Variants in UBE2E2 observed in about 807,000 individuals in gnomAD.
UBE2E2 encodes ubiquitin conjugating enzyme E2 E2.
UBE2E2 carries 6 observed loss-of-function variants against 24.7 expected under a neutral mutation model. The observed-to-expected ratio is 0.24, with a 90% CI of 0.13 to 0.48. UBE2E2 has a LOEUF of 0.48. Ranked by LOEUF, UBE2E2 falls within the 20% of genes least tolerant of loss-of-function variation. The pLI, the probability that UBE2E2 is intolerant of heterozygous loss-of-function variation, is 0.99. For synonymous variants in UBE2E2, 104 were observed against 83.6 expected, an observed-to-expected ratio of 1.24 and a Z score of -1.33; for missense variants, 169 against 245.0, an observed-to-expected ratio of 0.69 and a Z score of 2.07.
At chr3:23,355,461 G>A (rs34108997) in intron 3 of UBE2E2, among the ~76,000 whole-genome samples, 15,525 of 152,142 alleles carry the variant, frequency 0.1, 925 homozygotes, top group East Asian at 0.13. Flanking sequence ...CTGTAGGGAG[G>A]GGTAGAAATT....
At chr3:23,502,441 A>G (rs1039102385) in intron 4 of UBE2E2, among the ~76,000 whole-genome samples, 25 of 152,138 alleles carry the variant, frequency 1.6e-4, no homozygotes, top group African/African-American at 5.3e-4. Flanking sequence ...GGTTCATGAG[A>G]TAATTTTTTC....
rs75956144 is a variant in UBE2E2 at position 23,385,329 on chromosome 3, C to G, written c.228-114279C>G. ...ACAAAAATGATTGTTTCTTGTCTTC[C>G]TTGAACTGTGTTTTATCATTTGATG... On this transcript the variant is annotated intron_variant, in intron 3 of 5. Coordinates refer to ENST00000396703, the MANE Select transcript of UBE2E2 (RefSeq NM_152653.4). 7.0e-4 allele frequency among the ~76,000 whole-genome samples: 107 copies of G among 152,252 alleles called. No individual in the cohort carries two copies. In the East Asian group the frequency reaches 0.019, roughly 27 times the overall value.
chr3:23,374,543 C>G (rs1014581946), intron 3 of UBE2E2, among the ~76,000 whole-genome samples: 2 of 152,166 alleles, frequency 1.3e-5, no homozygotes, highest in African/African-American at 4.8e-5. Context: ...TTGCCTTAAT[C>G]TAGGACATAA....
rs192011658 is a variant in UBE2E2, at chr3:23,269,685, G to A, written c.227+52373G>A. Among the ~76,000 whole-genome samples, 27 of 152,236 alleles carry A rather than the reference G, an allele frequency of 1.8e-4. 1 individual carries two copies. Among genetic ancestry groups the A allele is most frequent in the Non-Finnish European group, 3.1e-4 (21 of 68,016 alleles). The stretch of plus-strand genomic sequence containing the variant: ...TTTAGTAGATAGTTGAGTTGGAGCC[G>A]GGAGCAGCAGCATCAACAACAGCAA... On this transcript the variant is annotated intron_variant, in intron 3 of 5. Transcript: ENST00000396703.
intron 4 of UBE2E2, among the ~76,000 whole-genome samples, chr3:23,507,540 C>T (rs191332862): frequency 2.0e-4 from 30 of 152,264 alleles, no homozygotes; most frequent in Admixed American, 7.2e-4. Context: ...ATGTTTATTA[C>T]CCCCACTTCA....
At chr3:23,555,336 C>A (rs1026317757) in intron 5 of UBE2E2, among the ~76,000 whole-genome samples, 7 of 152,166 alleles carry the variant, frequency 4.6e-5, no homozygotes, top group African/African-American at 1.7e-4. Context: ...GATATCACCT[C>A]GCACCTATTA....
chr3:23,388,323 G>A (rs771470273), intron 3 of UBE2E2, among the ~76,000 whole-genome samples: 2 of 152,124 alleles, frequency 1.3e-5, no homozygotes, highest in Non-Finnish European at 2.9e-5. Context: ...TCTCACTGCT[G>A]GTTTGCCTTA....
intron 3 of UBE2E2, among the ~76,000 whole-genome samples, chr3:23,491,755 A>G (rs1158191343): frequency 6.6e-6 from 1 of 152,208 alleles, no homozygotes; most frequent in East Asian, 1.9e-4. Context: ...AAAAGATCCT[A>G]CTTAAAGGAG....
At chr3:23,310,129 A>C (rs1694332385) in intron 3 of UBE2E2, among the ~76,000 whole-genome samples, 1 of 152,156 alleles carries the variant, frequency 6.6e-6, no homozygotes, top group African/African-American at 2.4e-5. Flanking sequence ...TATATTTAAA[A>C]ATCACCACAA....
At chr3:23,361,216 T>C (rs1378072602) in intron 3 of UBE2E2, among the ~76,000 whole-genome samples, 1 of 152,204 alleles carries the variant, frequency 6.6e-6, no homozygotes, top group Non-Finnish European at 1.5e-5. Context: ...GGAGTCCTTT[T>C]ATACTGCTTC....
chr3:23,225,974 G>C (rs1217523771), intron 3 of UBE2E2, among the ~76,000 whole-genome samples: 1 of 152,014 alleles, frequency 6.6e-6, no homozygotes, highest in East Asian at 1.9e-4. Flanking sequence ...CCGCCTCCCA[G>C]GTTCAAGCAA....
chr3:23,354,144 C>T (rs1227501242), intron 3 of UBE2E2, among the ~76,000 whole-genome samples: 2 of 152,014 alleles, frequency 1.3e-5, no homozygotes, highest in Admixed American at 1.3e-4. Context: ...GGAAAGGATT[C>T]CCTATTTAAT....
chr3:23,569,082 A>G (rs1395132492), intron 5 of UBE2E2, among the ~76,000 whole-genome samples: 1 of 152,212 alleles, frequency 6.6e-6, no homozygotes, highest in African/African-American at 2.4e-5. Flanking sequence ...AACAGCCTAC[A>G]TGTCCATCAG....
At chr3:23,499,868 A>T (rs1347608204) in intron 4 of UBE2E2, 128 bp downstream of exon 4, 1 of 1,153,112 alleles carries the variant, frequency 8.7e-7, no homozygotes, top group East Asian at 2.8e-5. Flanking sequence ...CCCAGGATTG[A>T]TAGTGTATAA....
intron 3 of UBE2E2, among the ~76,000 whole-genome samples, chr3:23,249,466 G>A (rs1024950820): frequency 2.1e-4 from 32 of 152,118 alleles, no homozygotes; most frequent in Non-Finnish European, 4.4e-4. Flanking sequence ...AAGCTTCTTA[G>A]TATGTTTTCC....
chr3:23,446,461 G>A (rs1017409319), intron 3 of UBE2E2, among the ~76,000 whole-genome samples: 2 of 152,194 alleles, frequency 1.3e-5, no homozygotes, highest in South Asian at 4.1e-4. Context: ...AAGATATCCC[G>A]GCTGACTGAA....
chr3:23,306,862 T>TA (rs1699249473), intron 3 of UBE2E2, among the ~76,000 whole-genome samples: 1 of 152,204 alleles, frequency 6.6e-6, no homozygotes, highest in African/African-American at 2.4e-5. Context: ...ACAGACCTGT[T>TA]ACTCATTTTT....
chr3:23,333,020 G>C (rs1015463653), intron 3 of UBE2E2, among the ~76,000 whole-genome samples: 1 of 152,144 alleles, frequency 6.6e-6, no homozygotes, highest in Non-Finnish European at 1.5e-5. Context: ...ACTAGGAAAA[G>C]TATGACATTG....
intron 3 of UBE2E2, among the ~76,000 whole-genome samples, chr3:23,233,133 A>G (rs566199414): frequency 2.8e-4 from 43 of 152,314 alleles, no homozygotes; most frequent in African/African-American, 3.4e-4. Context: ...GGAGTTGGCA[A>G]TAGCCTGAGC....
Sources: gnomAD v4.1 joint callset for allele counts (sites outside exome capture counted in the v4.1 genomes callset) on GRCh38, gnomAD v4.1.1 for gene constraint, MANE v1.5 for transcripts, NCBI Gene and HGNC (gene_info 2026-07-23, HGNC 2026-07-21) for gene names.